The following PARG variants were observed in gnomAD, a reference collection of about 807,000 sequenced individuals.
The protein encoded by PARG is mitochondrial poly(ADP-ribose) glycohydrolase.
In PARG, 35 loss-of-function variants were observed where a neutral mutation model predicts 113.0. The observed-to-expected ratio is 0.31, with a 90% CI of 0.24 to 0.41. The LOEUF is 0.41. Among genes scored for constraint, PARG ranks in the 10% least tolerant of loss-of-function variants. PARG has a pLI of 1.00. For synonymous variants in PARG, 330 were observed against 409.9 expected (o/e 0.81, Z 2.36); for missense variants, 797 against 1,169.4 (o/e 0.68, Z 4.64).
chr10:49,885,784 T>C (rs1847448518), intron 7 of PARG, among the ~76,000 whole-genome samples: 3 of 152,284 alleles, frequency 2.0e-5, no homozygotes, highest in South Asian at 2.1e-4. Flanking sequence ...TCTAATCTGT[T>C]GGGTAATAAA....
At chr10:49,934,752 G>A (rs1481700037) in intron 2 of PARG, among the ~76,000 whole-genome samples, 3 of 151,942 alleles carry the variant, frequency 2.0e-5, no homozygotes, top group Non-Finnish European at 2.9e-5. Flanking sequence ...GGGAGGCTGA[G>A]GCAGGAGAAT....
intron 13 of PARG, among the ~76,000 whole-genome samples, chr10:49,854,711 A>G (rs2813115): frequency 0.35 from 35,599 of 101,542 alleles, 7,367 homozygotes; most frequent in African/African-American, 0.47. Context: ...ATTAGACTTC[A>G]TTGAGACTTA....
At chr10:49,823,961 G>A (rs1429233856) in intron 16 of PARG, among the ~76,000 whole-genome samples, 2 of 152,148 alleles carry the variant, frequency 1.3e-5, no homozygotes, top group African/African-American at 2.4e-5. Flanking sequence ...ATAAGCACGT[G>A]TTAGACTAGT....
Position 49,845,901 on chromosome 10 carries a change from G to GA in PARG, c.2354-2270dup, listed in dbSNP as rs1233057687. ...AACAGAGTGAGACTTTGTCTCAAAG[G>GA]AAAAAAAAATGCTTATTGAATGCAA... On this transcript the variant is annotated intron_variant, in intron 13 of 17. Transcript: ENST00000616448. Among the ~76,000 whole-genome samples, 43 of 148,342 alleles carry GA rather than the reference G, an allele frequency of 2.9e-4. No individual in the cohort carries two copies. In the East Asian group the frequency reaches 5.9e-3, roughly 20 times the overall value.
chr10:49,858,370 C>CA (rs1415381833), intron 12 of PARG, among the ~76,000 whole-genome samples: 2 of 135,328 alleles, frequency 1.5e-5, no homozygotes, highest in Non-Finnish European at 3.1e-5. Context: ...CACACACACA[C>CA]AACTTGTGTA....
chr10:49,925,100 A>T (rs1468068022), intron 4 of PARG, among the ~76,000 whole-genome samples: 2 of 152,246 alleles, frequency 1.3e-5, no homozygotes. Flanking sequence ...TGATGATCTG[A>T]GGTGGAACAG....
chr10:49,890,538 T>A (rs1554841260), intron 7 of PARG, among the ~76,000 whole-genome samples: 2 of 152,070 alleles, frequency 1.3e-5, no homozygotes. Context: ...ACCTCATGAA[T>A]CTCATGGCAC....
rs1327483464 is a variant in PARG, at chr10:49,922,358, A to C, written c.1640T>G (p.Phe547Cys). 1 of 1,604,670 alleles carries C rather than the reference A, an allele frequency of 6.2e-7. No individual in the cohort carries two copies. Among genetic ancestry groups the C allele is most frequent in the Non-Finnish European group, 8.5e-7 (1 of 1,176,392 alleles). ...ELIQTALLNK[F>C]TRPQNLKDAI... ...TACCTTCAAGTTTTGGGGTCGTGTA[A>C]ATTTGTTGAGAAGTGCAGTCTGAAT... The change falls in exon 6 of 18, where the codon TTT (phenylalanine) becomes TGT (cysteine). Residue 547 changes from phenylalanine to cysteine, a missense_variant. Phe to Cys is a radical substitution (Grantham distance 205). This residue lies in a region of PARG where 252 missense variants were observed against 437.4 expected (regional missense o/e 0.58). Transcript: ENST00000616448.
intron 4 of PARG, among the ~76,000 whole-genome samples, chr10:49,923,433 T>TGTAC (rs1837994452): frequency 6.6e-6 from 1 of 152,184 alleles, no homozygotes. Context: ...ACCTGGTATG[T>TGTAC]GTACATGTGT....
At chr10:49,920,209 G>A (rs1837719784) in intron 6 of PARG, among the ~76,000 whole-genome samples, 1 of 151,520 alleles carries the variant, frequency 6.6e-6, no homozygotes, top group South Asian at 2.1e-4. Context: ...GGAGGCCAAG[G>A]CCAGGTGGAT....
intron 9 of PARG, among the ~76,000 whole-genome samples, chr10:49,877,890 TG>T (rs1847021021): frequency 7.1e-6 from 1 of 140,658 alleles, no homozygotes; most frequent in Non-Finnish European, 1.5e-5. Flanking sequence ...CACCAATGGA[TG>T]CCAAAATTAG....
chr10:49,859,015 G>C (rs1281442150), intron 12 of PARG, among the ~76,000 whole-genome samples: 1 of 151,232 alleles, frequency 6.6e-6, no homozygotes, highest in Admixed American at 6.6e-5. Flanking sequence ...TGAAGAGCTT[G>C]TTACTATGTA....
At chr10:49,821,318 C>T (rs781899885) in intron 16 of PARG, among the ~76,000 whole-genome samples, 7 of 152,108 alleles carry the variant, frequency 4.6e-5, no homozygotes, top group African/African-American at 7.2e-5. Flanking sequence ...AATGCCCTTT[C>T]GCTAGTTATA....
At chr10:49,932,066 T>G (rs1838513616) in intron 4 of PARG, 34 bp downstream of exon 4, 1 of 1,194,160 alleles carries the variant, frequency 8.4e-7, no homozygotes, top group Admixed American at 1.8e-5. Context: ...GGACTTCCAG[T>G]CTTCTCTCAT....
At position 49,819,443 on chromosome 10, in the gene PARG, CAGTTTCTGCATTCTTCATTGT is replaced by C. The variant is rs1457939482; in HGVS notation, c.2807_2827del (p.Tyr936_Asn942del). 1 of 1,551,314 alleles carries C rather than the reference CAGTTTCTGCATTCTTCATTGT, an allele frequency of 6.4e-7. No homozygotes were observed. Among genetic ancestry groups the C allele is most frequent in the Non-Finnish European group, 8.7e-7 (1 of 1,146,676 alleles). ...CTTGATGTCTGGTCCAGGGGTGGAA[CAGTTTCTGCATTCTTCATTGT>C]AGTATCGTAGCAACAGCTTATACAC... On this transcript the variant is annotated inframe_deletion, in exon 18 of 18. Transcript: ENST00000616448.
At chr10:49,903,929 C>T (rs191481277) in intron 7 of PARG, among the ~76,000 whole-genome samples, 1 of 152,234 alleles carries the variant, frequency 6.6e-6, no homozygotes, top group Non-Finnish European at 1.5e-5. Context: ...TGTGTGTAAG[C>T]AGCATGAAGG....
At chr10:49,939,853 G>A (rs1838935640) in intron 1 of PARG, among the ~76,000 whole-genome samples, 2 of 152,162 alleles carry the variant, frequency 1.3e-5, no homozygotes, top group African/African-American at 4.8e-5. Context: ...AGACATCTAA[G>A]TGTAGACTCT....
At chr10:49,892,401 AG>A (rs1847852479) in intron 7 of PARG, among the ~76,000 whole-genome samples, 1 of 152,160 alleles carries the variant, frequency 6.6e-6, no homozygotes, top group African/African-American at 2.4e-5. Flanking sequence ...ATAAACACAC[AG>A]TTTTGTGTTA....
At chr10:49,929,083 C>T (rs1346696071) in intron 4 of PARG, among the ~76,000 whole-genome samples, 1 of 151,794 alleles carries the variant, frequency 6.6e-6, no homozygotes. Flanking sequence ...CTCAAGGGTC[C>T]TGGGTATCTA....
Sources: gnomAD v4.1 joint callset for allele counts (sites outside exome capture counted in the v4.1 genomes callset) on GRCh38, gnomAD v4.1.1 for gene constraint, gnomAD v4.1.1 regional missense constraint, MANE v1.5 for transcripts, NCBI Gene and HGNC (gene_info 2026-07-23, HGNC 2026-07-21) for gene names.